Variants in CADM2 observed in about 807,000 individuals in gnomAD.
CADM2 encodes immunoglobulin superfamily member 4D.
CADM2 carries 12 observed loss-of-function variants against 49.8 expected under a neutral mutation model. That is an observed-to-expected ratio of 0.24 (90% CI 0.15 to 0.39). The LOEUF is 0.39. Among genes scored for constraint, CADM2 ranks in the 10% least tolerant of loss-of-function variants. The pLI, the probability that CADM2 is intolerant of heterozygous loss-of-function variation, is 1.00. For missense variants in CADM2, 378 were observed against 492.3 expected (o/e 0.77, Z 2.20); for synonymous variants, 214 against 175.4 (o/e 1.22, Z -1.74).
intron 1 of CADM2, among the ~76,000 whole-genome samples, chr3:85,287,161 A>G (rs74459126): frequency 0.055 from 8,384 of 152,232 alleles, 322 homozygotes; most frequent in East Asian, 0.14. Context: ...AATCAAAAAC[A>G]TCAAATCAGC....
intron 8 of CADM2, among the ~76,000 whole-genome samples, chr3:86,045,062 T>C (rs1302629561): frequency 2.5e-5 from 2 of 79,230 alleles, no homozygotes; most frequent in Non-Finnish European, 5.1e-5. Context: ...TGTCGTGGGG[T>C]GGTGGGAGGG....
intron 1 of CADM2, among the ~76,000 whole-genome samples, chr3:85,598,426 GA>G (rs1175231242): frequency 1.3e-5 from 2 of 151,866 alleles, no homozygotes; most frequent in African/African-American, 4.8e-5. Flanking sequence ...GAATTTTTTA[GA>G]TATCATTTAT....
chr3:85,288,992 A>G (rs1460652279), intron 1 of CADM2, among the ~76,000 whole-genome samples: 1 of 152,094 alleles, frequency 6.6e-6, no homozygotes, highest in Non-Finnish European at 1.5e-5. Context: ...GGTTTTGTAA[A>G]TATTTATCAT....
At chr3:85,616,928 T>A (rs1183882590) in intron 1 of CADM2, among the ~76,000 whole-genome samples, 1 of 152,120 alleles carries the variant, frequency 6.6e-6, no homozygotes, top group Admixed American at 6.6e-5. Context: ...TCTAGGTACA[T>A]TTAGCTTGGT....
At chr3:85,110,437 C>A (rs2038407242) in intron 1 of CADM2, among the ~76,000 whole-genome samples, 1 of 151,860 alleles carries the variant, frequency 6.6e-6, no homozygotes, top group African/African-American at 2.4e-5. Context: ...TATGATTGTC[C>A]CTCCTTTCTT....
At chr3:85,971,211 C>T (rs566557860) in intron 8 of CADM2, among the ~76,000 whole-genome samples, 3 of 151,560 alleles carry the variant, frequency 2.0e-5, no homozygotes, top group Non-Finnish European at 4.4e-5. Context: ...TCTGAACCAA[C>T]GCCCTTATGG....
At chr3:85,564,413 G>A (rs1355919515) in intron 1 of CADM2, among the ~76,000 whole-genome samples, 4 of 151,966 alleles carry the variant, frequency 2.6e-5, no homozygotes, top group Non-Finnish European at 5.9e-5. Flanking sequence ...AGTCTAGCAC[G>A]GGTATTTATA....
chr3:86,045,434 C>A (rs1320407301), intron 8 of CADM2, among the ~76,000 whole-genome samples: 3 of 151,988 alleles, frequency 2.0e-5, no homozygotes, highest in Non-Finnish European at 2.9e-5. Context: ...TGGTTCTGTT[C>A]CACTTCCCAG....
intron 1 of CADM2, among the ~76,000 whole-genome samples, chr3:85,535,921 C>T (rs1322095294): frequency 3.3e-5 from 5 of 152,054 alleles, no homozygotes; most frequent in Non-Finnish European, 5.9e-5. Flanking sequence ...GTATTTTAGG[C>T]TGTAGACTTG....
intron 1 of CADM2, among the ~76,000 whole-genome samples, chr3:85,168,736 T>C (rs2040539399): frequency 6.6e-6 from 1 of 152,178 alleles, no homozygotes. Context: ...AATAGACATA[T>C]CTCACATTCA....
At chr3:85,171,662 AC>A (rs1263769453) in intron 1 of CADM2, among the ~76,000 whole-genome samples, 1 of 151,976 alleles carries the variant, frequency 6.6e-6, no homozygotes, top group African/African-American at 2.4e-5. Context: ...TTCTTTGGCA[AC>A]CCCCTATCAG....
intron 1 of CADM2, among the ~76,000 whole-genome samples, chr3:85,497,606 G>A (rs1358932575): frequency 6.6e-6 from 1 of 152,048 alleles, no homozygotes; most frequent in African/African-American, 2.4e-5. Flanking sequence ...TCATGTTTAT[G>A]ATGATTTATT....
intron 1 of CADM2, among the ~76,000 whole-genome samples, chr3:85,419,230 T>C (rs573290792): frequency 2.6e-5 from 4 of 151,896 alleles, no homozygotes; most frequent in Admixed American, 2.6e-4. Context: ...CCGAGATGGG[T>C]GGATCAAGAG....
intron 1 of CADM2, among the ~76,000 whole-genome samples, chr3:85,298,931 A>G (rs1327043920): frequency 1.3e-5 from 2 of 152,106 alleles, no homozygotes; most frequent in African/African-American, 4.8e-5. Flanking sequence ...ACATGAGCAC[A>G]TCAACTGTGG....
intron 6 of CADM2, among the ~76,000 whole-genome samples, chr3:85,930,259 T>A (rs1197298662): frequency 6.6e-6 from 1 of 152,144 alleles, no homozygotes; most frequent in Non-Finnish European, 1.5e-5. Flanking sequence ...CAATGCAGAT[T>A]ATTTGTAACA....
chr3:86,052,102 C>T (rs974761327), intron 8 of CADM2, among the ~76,000 whole-genome samples: 5 of 152,216 alleles, frequency 3.3e-5, no homozygotes, highest in Admixed American at 1.3e-4. Flanking sequence ...TAAATAAACA[C>T]AATTTGTTAT....
intron 1 of CADM2, among the ~76,000 whole-genome samples, chr3:84,995,530 T>A (rs1355642567): frequency 1.3e-5 from 2 of 152,200 alleles, no homozygotes; most frequent in Non-Finnish European, 2.9e-5. Context: ...CCTAGCGATG[T>A]GTAAATTTAG....
chr3:85,721,825 G>A (rs1404862334), intron 1 of CADM2, among the ~76,000 whole-genome samples: 5 of 152,240 alleles, frequency 3.3e-5, no homozygotes, highest in African/African-American at 1.2e-4. Context: ...CAAGCAAGGA[G>A]CATGTCTCAG....
intron 7 of CADM2, among the ~76,000 whole-genome samples, chr3:85,938,671 G>A (rs1161394984): frequency 1.3e-5 from 2 of 151,898 alleles, no homozygotes; most frequent in South Asian, 2.1e-4. Flanking sequence ...TATTGTACCT[G>A]TATCTTCATT....
Sources: allele counts gnomAD v4.1 joint callset (sites outside exome capture counted in the v4.1 genomes callset), GRCh38; gene constraint gnomAD v4.1.1; transcripts MANE v1.5; gene names NCBI Gene and HGNC (gene_info 2026-07-23, HGNC 2026-07-21).